TCF4: variants seen among roughly 807,000 people sequenced by gnomAD.
TCF4 encodes transcription factor 4.
TCF4 carries 3 observed loss-of-function variants against 82.1 expected under a neutral mutation model. That is an observed-to-expected ratio of 0.04 (90% confidence interval 0.02 to 0.09). The LOEUF (loss-of-function observed/expected upper bound fraction) is 0.09, where lower values mean the gene tolerates loss of function less well. Among genes scored for constraint, TCF4 ranks in the 10% least tolerant of loss-of-function variants. The pLI, the probability that TCF4 is intolerant of heterozygous loss-of-function variation, is 1.00. For missense variants in TCF4, 518 were observed against 852.7 expected (o/e 0.61, Z 4.89); for synonymous variants, 276 against 309.6 (o/e 0.89, Z 1.14).
chr18:55,500,709 T>C (rs1299867592), intron 3 of TCF4, among the ~76,000 whole-genome samples: 2 of 152,222 alleles, frequency 1.3e-5, no homozygotes, highest in Non-Finnish European at 2.9e-5. Context: ...TTTTTCAAAG[T>C]GTTTAATTCT....
chr18:55,498,219 C>A (rs544164467), intron 3 of TCF4, among the ~76,000 whole-genome samples: 1 of 152,348 alleles, frequency 6.6e-6, no homozygotes, highest in South Asian at 2.1e-4. Context: ...CGGGGTTAAG[C>A]AAGTACAGCA....
chr18:55,566,232 A>T (rs2147425978), intron 3 of TCF4, among the ~76,000 whole-genome samples: 1 of 151,978 alleles, frequency 6.6e-6, no homozygotes, highest in Middle Eastern at 3.4e-3. Flanking sequence ...AAAATAAATA[A>T]AAATAAAATA....
intron 3 of TCF4, among the ~76,000 whole-genome samples, chr18:55,545,846 G>A (rs988711358): frequency 3.3e-5 from 5 of 152,056 alleles, no homozygotes; most frequent in Admixed American, 2.6e-4. Context: ...AAGAAGATGC[G>A]GTCCCTGTCT....
intron 6 of TCF4, chr18:55,400,883 T>G: frequency 9.5e-7 from 1 of 1,057,920 alleles, no homozygotes. Context: ...ACTGTTATAA[T>G]ACGATAAAGC....
chr18:55,403,255 T>TG (rs1569389541), intron 6 of TCF4, among the ~76,000 whole-genome samples, 199 bp downstream of exon 6: 1 of 152,206 alleles, frequency 6.6e-6, no homozygotes, highest in Non-Finnish European at 1.5e-5. Context: ...AATGTAGTTC[T>TG]GATACAGCAG....
At chr18:55,326,014 C>G (rs776358962) in intron 8 of TCF4, among the ~76,000 whole-genome samples, 2 of 152,138 alleles carry the variant, frequency 1.3e-5, no homozygotes, top group Non-Finnish European at 2.9e-5. Flanking sequence ...ATCTCCATAA[C>G]TAGTACTCTG....
At chr18:55,277,909 T>C (rs1434265085) in intron 9 of TCF4, among the ~76,000 whole-genome samples, 1 of 152,132 alleles carries the variant, frequency 6.6e-6, no homozygotes, top group East Asian at 1.9e-4. Context: ...GTAGCTACTG[T>C]TTATAACTGA....
upstream of TCF4, chr18:55,589,716 A>G: frequency 9.7e-7 from 1 of 1,027,482 alleles, no homozygotes; most frequent in Non-Finnish European, 1.2e-6. Flanking sequence ...CATCATCACC[A>G]TGGACTCCCC....
intron 3 of TCF4, among the ~76,000 whole-genome samples, chr18:55,480,797 C>T (rs912782210): frequency 1.3e-5 from 2 of 152,290 alleles, no homozygotes; most frequent in East Asian, 3.9e-4. Flanking sequence ...CAAAATCTGG[C>T]ATAGGCCAGG....
chr18:55,345,546 A>G (rs978894281), intron 8 of TCF4, among the ~76,000 whole-genome samples: 1 of 152,160 alleles, frequency 6.6e-6, no homozygotes, highest in East Asian at 1.9e-4. Context: ...CAAACCTCAT[A>G]TTCCAATATC....
intron 8 of TCF4, among the ~76,000 whole-genome samples, chr18:55,323,235 T>G (rs2076012504): frequency 6.6e-6 from 1 of 152,148 alleles, no homozygotes; most frequent in African/African-American, 2.4e-5. Flanking sequence ...CTCTGGGAAT[T>G]GATCCCAAAT....
At chr18:55,245,912 A>G (rs974507983) in intron 15 of TCF4, among the ~76,000 whole-genome samples, 1 of 152,232 alleles carries the variant, frequency 6.6e-6, no homozygotes, top group Non-Finnish European at 1.5e-5. Context: ...ATGCATCCCC[A>G]AAAGCATCTG....
intron 8 of TCF4, among the ~76,000 whole-genome samples, chr18:55,330,307 G>C (rs2147741929): frequency 6.7e-6 from 1 of 150,282 alleles, no homozygotes. Flanking sequence ...CAGCTCCTGA[G>C]TAGCTAGGAG....
chr18:55,394,263 C>T (rs1297042115), intron 6 of TCF4, among the ~76,000 whole-genome samples: 1 of 152,192 alleles, frequency 6.6e-6, no homozygotes, highest in Non-Finnish European at 1.5e-5. Flanking sequence ...AACCCCAACA[C>T]ACAGAGACCC....
intron 3 of TCF4, among the ~76,000 whole-genome samples, chr18:55,536,070 A>G (rs1358319963): frequency 1.3e-5 from 2 of 152,200 alleles, no homozygotes; most frequent in Admixed American, 1.3e-4. Context: ...CCAATATAAA[A>G]TAACTAAAGT....
At chr18:55,559,716 T>C (rs2147285240) in intron 3 of TCF4, among the ~76,000 whole-genome samples, 1 of 152,270 alleles carries the variant, frequency 6.6e-6, no homozygotes, top group Non-Finnish European at 1.5e-5. Context: ...CAAAGTTTTA[T>C]GCTTGGTGCT....
chr18:55,604,863 G>A (rs192361373), intron 2 of TCF4, among the ~76,000 whole-genome samples: 1 of 152,292 alleles, frequency 6.6e-6, no homozygotes, highest in Non-Finnish European at 1.5e-5. Flanking sequence ...AAGAAGTGGG[G>A]ATGGTCGGCA....
At chr18:55,440,961 C>T (rs995312992) in intron 5 of TCF4, among the ~76,000 whole-genome samples, 1 of 152,174 alleles carries the variant, frequency 6.6e-6, no homozygotes, top group Non-Finnish European at 1.5e-5. Flanking sequence ...TTCCCCCTTC[C>T]CCCCTTATTC....
At chr18:55,602,489 A>G (rs1292842474) in intron 2 of TCF4, among the ~76,000 whole-genome samples, 1 of 152,208 alleles carries the variant, frequency 6.6e-6, no homozygotes, top group Non-Finnish European at 1.5e-5. Flanking sequence ...TAGGGAATTA[A>G]AAATAACTGC....
Sources: gnomAD v4.1 joint callset for allele counts (sites outside exome capture counted in the v4.1 genomes callset) on GRCh38, gnomAD v4.1.1 for gene constraint, MANE v1.5 for transcripts, NCBI Gene and HGNC (gene_info 2026-07-23, HGNC 2026-07-21) for gene names.